Variants in NBEAL1 observed in about 807,000 individuals in gnomAD.
The protein encoded by NBEAL1 is neurobeachin like 1.
Under a neutral mutation model 351.3 loss-of-function variants are expected in NBEAL1, and 273 were observed. The observed-to-expected ratio is 0.78, with a 90% CI of 0.70 to 0.86. The LOEUF (loss-of-function observed/expected upper bound fraction) is 0.86, where lower values mean the gene tolerates loss of function less well. Ranked by LOEUF, NBEAL1 falls within the 40% of genes least tolerant of loss-of-function variation. The pLI is 0.00. For synonymous variants in NBEAL1, 1,050 were observed against 1,086.4 expected (o/e 0.97, Z 0.66); for missense variants, 2,961 against 3,201.3 (o/e 0.92, Z 1.81).
chr2:203,055,362 G>T (rs2061387362), intron 4 of NBEAL1, among the ~76,000 whole-genome samples: 1 of 152,148 alleles, frequency 6.6e-6, no homozygotes, highest in East Asian at 1.9e-4. Flanking sequence ...CAGACCTTTG[G>T]GAGGCTGAGG....
intron 44 of NBEAL1, among the ~76,000 whole-genome samples, chr2:203,187,792 C>G (rs2064951225): frequency 6.6e-6 from 1 of 152,042 alleles, no homozygotes; most frequent in Non-Finnish European, 1.5e-5. Context: ...TCTTACTGCT[C>G]TCACACTTTA....
Position 203,157,810 on chromosome 2 carries a change from C to T in NBEAL1, c.5699C>T (p.Thr1900Ile). ...TTAGACCTTCCTGAAGAGGATATAA[C>T]AGCTAGAGTAAATGTGTATGTATAA... ...DKLDLPEEDI[T>I]ARVNVDEKEE... The change falls in exon 36 of 56, where the codon ACA becomes ATA. Residue 1900 changes from threonine to isoleucine, a missense_variant. Transcript: ENST00000683969. 4 of 1,560,210 alleles carry T rather than the reference C, an allele frequency of 2.6e-6. No homozygotes were observed. The highest frequency in any genetic ancestry group is 2.6e-6 in the Non-Finnish European group (3 of 1,157,182).
At chr2:203,205,186 T>C (rs2065518971) in intron 51 of NBEAL1, among the ~76,000 whole-genome samples, 1 of 152,184 alleles carries the variant, frequency 6.6e-6, no homozygotes, top group Non-Finnish European at 1.5e-5. Context: ...TTTTTTTCTT[T>C]TGGTAACTTT....
At chr2:203,078,587 A>T (rs1046451220) in intron 8 of NBEAL1, among the ~76,000 whole-genome samples, 2 of 152,126 alleles carry the variant, frequency 1.3e-5, no homozygotes, top group Middle Eastern at 3.2e-3. Context: ...GATCTTGCCC[A>T]CCTCAGCCTC....
At chr2:203,058,116 C>A (rs916717339) in intron 6 of NBEAL1, among the ~76,000 whole-genome samples, 3 of 152,032 alleles carry the variant, frequency 2.0e-5, no homozygotes, top group Non-Finnish European at 4.4e-5. Flanking sequence ...TTCTGGGAGC[C>A]ACCGTGCCCG....
intron 46 of NBEAL1, 182 bp downstream of exon 46, chr2:203,190,571 A>G (rs1456056824): frequency 1.7e-5 from 11 of 655,490 alleles, no homozygotes; most frequent in Non-Finnish European, 2.8e-5. Context: ...CTATTAGGGT[A>G]TGCCATTAAA....
At chr2:203,177,886 G>T (rs142128354) in intron 42 of NBEAL1, among the ~76,000 whole-genome samples, 1 of 152,050 alleles carries the variant, frequency 6.6e-6, no homozygotes, top group East Asian at 1.9e-4. Flanking sequence ...GGGCGTGGTC[G>T]TGGGTGCCTG....
At chr2:203,058,984 TCTC>T (rs1363545787) in intron 6 of NBEAL1, among the ~76,000 whole-genome samples, 15 of 152,188 alleles carry the variant, frequency 9.9e-5, no homozygotes, top group Non-Finnish European at 1.9e-4. Flanking sequence ...ATCTCCTAAA[TCTC>T]CTCAAGATTT....
rs187881681 is a variant in NBEAL1, at chr2:203,220,210, T to C, written c.*2856T>C. On this transcript the variant is annotated 3_prime_UTR_variant, in exon 56 of 56. Transcript: ENST00000683969. ...CTTACAAAGTCTGTTACCTGGCCAA[T>C]TGTGGTGGCTCACGCCTATAATCCC... 8.0e-4 allele frequency among the ~76,000 whole-genome samples: 121 copies of C among 152,078 alleles called. No homozygotes were observed. The highest frequency in any genetic ancestry group is 3.4e-3 in the Middle Eastern group (1 of 294).
Position 203,223,157 on chromosome 2 carries a change from G to A in NBEAL1, c.*5803G>A, listed in dbSNP as rs1026042986. 6.6e-6 allele frequency among the ~76,000 whole-genome samples: 1 copy of A among 152,078 alleles called. No homozygotes were observed. Among genetic ancestry groups the A allele is most frequent in the Admixed American group, 6.6e-5 (1 of 15,266 alleles). Reference sequence around the variant, plus strand: ...ATTTCTAAACACATTGCAGGATTTGGACCTGTAAAGCCAGTGGCTTTAGTG... The same window carrying A: ...ATTTCTAAACACATTGCAGGATTTGAACCTGTAAAGCCAGTGGCTTTAGTG... On this transcript the variant is annotated 3_prime_UTR_variant, in exon 56 of 56. Coordinates refer to ENST00000683969, the MANE Select transcript of NBEAL1 (RefSeq NM_001378026.1).
At chr2:203,183,939 G>A (rs182544191) in intron 44 of NBEAL1, among the ~76,000 whole-genome samples, 3 of 151,998 alleles carry the variant, frequency 2.0e-5, no homozygotes, top group East Asian at 1.9e-4. Flanking sequence ...TTAGCCAGGC[G>A]TGGTGGCGCA....
intron 42 of NBEAL1, 61 bp downstream of exon 42, chr2:203,175,348 C>T: frequency 6.5e-6 from 10 of 1,540,190 alleles, no homozygotes; most frequent in Non-Finnish European, 9.0e-6. Flanking sequence ...AACTGTTTGC[C>T]TTCATGTCAT....
chr2:203,045,705 A>G (rs1376647405), intron 3 of NBEAL1, among the ~76,000 whole-genome samples: 1 of 152,240 alleles, frequency 6.6e-6, no homozygotes, highest in Non-Finnish European at 1.5e-5. Flanking sequence ...TTCTGCATAT[A>G]GTTAATTAAA....
At chr2:203,109,082 T>TG (rs2062504742) in intron 14 of NBEAL1, among the ~76,000 whole-genome samples, 1 of 152,096 alleles carries the variant, frequency 6.6e-6, no homozygotes, top group South Asian at 2.1e-4. Flanking sequence ...AATGGCCGGG[T>TG]GTGGTGGCTT....
intron 19 of NBEAL1, among the ~76,000 whole-genome samples, chr2:203,122,815 T>C (rs2062858273): frequency 6.6e-6 from 1 of 152,190 alleles, no homozygotes; most frequent in Non-Finnish European, 1.5e-5. Flanking sequence ...TCACTTACCA[T>C]GGCAAATAGT....
chr2:203,052,461 C>T (rs2061339293), intron 4 of NBEAL1: 1 of 152,326 alleles, frequency 6.6e-6, no homozygotes, highest in Admixed American at 6.6e-5. Context: ...TTGCTTTCAC[C>T]AGGGTGTCAT....
chr2:203,072,607 T>G (rs573677988), intron 7 of NBEAL1, among the ~76,000 whole-genome samples: 1 of 152,336 alleles, frequency 6.6e-6, no homozygotes, highest in South Asian at 2.1e-4. Context: ...ATTTCATTGC[T>G]TGCTGCATGT....
In NBEAL1 at chr2:203,136,089, C is replaced by T; in HGVS notation, c.4226C>T (p.Ser1409Leu). The T allele has an allele frequency of 6.2e-7, 1 of 1,614,082 alleles. No homozygotes were observed. The highest frequency in any genetic ancestry group is 8.5e-7 in the Non-Finnish European group (1 of 1,180,014). ...AGTTTAGACCTCAGTGGAATTGACT[C>T]ATGTGAAATGAGTGATAGTGGAAGT... Reference protein sequence around the residue: ...HLSLDLSGIDSCEMSDSGSQV... With the variant: ...HLSLDLSGIDLCEMSDSGSQV... The change falls in exon 28 of 56, where the codon TCA becomes TTA. Residue 1409 changes from serine (S) to leucine (L), a missense_variant. By Grantham distance (145) the Ser-to-Leu change is moderately radical. Transcript: ENST00000683969.
chr2:203,066,681 C>T (rs981039904), intron 6 of NBEAL1, among the ~76,000 whole-genome samples: 6 of 150,976 alleles, frequency 4.0e-5, no homozygotes, highest in African/African-American at 7.3e-5. Flanking sequence ...CGGGCAGAGG[C>T]GCTCCTCACT....
Sources: gnomAD v4.1 joint callset for allele counts (sites outside exome capture counted in the v4.1 genomes callset) on GRCh38, gnomAD v4.1.1 for gene constraint, MANE v1.5 for transcripts, NCBI Gene and HGNC (gene_info 2026-07-23, HGNC 2026-07-21) for gene names.